Variants in FRMD7 observed in about 807,000 individuals in gnomAD.
The protein encoded by FRMD7 is FERM domain containing 7.
Under a neutral mutation model 44.1 loss-of-function variants are expected in FRMD7, and 14 were observed. The ratio of observed to expected loss-of-function variants is 0.32; its 90% confidence interval spans 0.21 to 0.50. The LOEUF (loss-of-function observed/expected upper bound fraction) is 0.50, where lower values mean the gene tolerates loss of function less well. Ranked by LOEUF, FRMD7 falls within the 20% of genes least tolerant of loss-of-function variation. The pLI, the probability that FRMD7 is intolerant of heterozygous loss-of-function variation, is 0.99. For missense variants in FRMD7, 501 were observed against 522.3 expected (o/e 0.96, Z 0.40); for synonymous variants, 212 against 187.4 (o/e 1.13, Z -1.07).
intron 1 of FRMD7, among the ~76,000 whole-genome samples, chrX:132,111,174 T>TAAAAAG (rs1928769427): frequency 8.9e-6 from 1 of 112,347 alleles, no homozygotes; most frequent in Non-Finnish European, 1.9e-5. Flanking sequence ...CTGTCTCAAA[T>TAAAAAG]AAAAAGAAAA....
At chrX:132,093,174 C>T (rs1928230618) in intron 5 of FRMD7, among the ~76,000 whole-genome samples, 2 of 111,833 alleles carry the variant, frequency 1.8e-5, no homozygotes, top group Admixed American at 9.5e-5. Flanking sequence ...GACACTGTCC[C>T]TATCTAAGCA....
chrX:132,104,166 G>T (rs1928582863), intron 1 of FRMD7, among the ~76,000 whole-genome samples: 1 of 112,288 alleles, frequency 8.9e-6, no homozygotes, highest in South Asian at 3.7e-4. Flanking sequence ...ATATGCATAT[G>T]CACTTCAGCA....
At chrX:132,087,854 G>T (rs1928042499) in intron 5 of FRMD7, among the ~76,000 whole-genome samples, 1 of 111,042 alleles carries the variant, frequency 9.0e-6, no homozygotes, top group South Asian at 3.8e-4. Flanking sequence ...TATACACAAT[G>T]AGTTGAATTT....
chrX:132,080,761 G>A (rs927288753), intron 9 of FRMD7, among the ~76,000 whole-genome samples: 7 of 110,996 alleles, frequency 6.3e-5, no homozygotes, highest in Admixed American at 1.9e-4. Flanking sequence ...TGCAGTGAGC[G>A]GAGATCATGT....
In FRMD7 at chrX:132,097,239, G is replaced by T. The variant is rs201610134; in HGVS notation, c.284+27C>A. ...AATAATGATTCTTAAGTAACATCAT[G>T]CAGAGACACACAGGTAATCACTATA... is the stretch of plus-strand genomic sequence containing the variant. On this transcript the variant is annotated intron_variant, in intron 4 of 11. Transcript: ENST00000298542. 67 of 987,461 alleles carry T rather than the reference G, an allele frequency of 6.8e-5. No individual in the cohort carries two copies. In the African/African-American group the frequency reaches 1.2e-3, roughly 17 times the overall value. 81.4% of individuals were successfully genotyped at this position (987,461 alleles called of 1,213,427 possible).
At chrX:132,093,340 T>C (rs1475584375) in intron 5 of FRMD7, among the ~76,000 whole-genome samples, 1 of 112,440 alleles carries the variant, frequency 8.9e-6, no homozygotes, top group Non-Finnish European at 1.9e-5. Flanking sequence ...GAGGCCTCTC[T>C]AGAAGGGAGA....
intron 1 of FRMD7, among the ~76,000 whole-genome samples, chrX:132,120,192 C>T (rs1209188899): frequency 8.9e-6 from 1 of 112,538 alleles, no homozygotes; most frequent in Non-Finnish European, 1.9e-5. Flanking sequence ...TAAAGTTAAG[C>T]CTTTATTAGA....
At chrX:132,082,981 C>G (rs987968786) in intron 8 of FRMD7, among the ~76,000 whole-genome samples, 2 of 111,920 alleles carry the variant, frequency 1.8e-5, no homozygotes, top group Non-Finnish European at 3.8e-5. Context: ...GACAAGGTGT[C>G]ACTCTGTTGC....
intron 3 of FRMD7, among the ~76,000 whole-genome samples, chrX:132,098,223 CTTT>C (rs775851490): frequency 8.0e-5 from 9 of 112,075 alleles, no homozygotes; most frequent in Non-Finnish European, 1.5e-4. Flanking sequence ...GAAAATTATT[CTTT>C]GTTTATCTAA....
At chrX:132,117,628 C>T (rs891059170) in intron 1 of FRMD7, among the ~76,000 whole-genome samples, 6 of 111,678 alleles carry the variant, frequency 5.4e-5, no homozygotes, top group Admixed American at 9.5e-5. Context: ...AAATAAGGTA[C>T]TCCTAATCCC....
In FRMD7 at chrX:132,082,524, C is replaced by T; in HGVS notation, c.744G>A (p.Val248=). The change falls in exon 9 of 12, where the codon GTG becomes GTA. Residue 248 remains valine, a splice_region_variant and synonymous_variant. Transcript: ENST00000298542. ...TGAACTCCAAGGTATCCTTGCACAA[C>T]ACCTGTATAAACCAATTTCCATTAA... ...FLIKLHANIL[V]LCKDTLEFTM... is the part of the protein sequence containing the mutation. 1 of 1,205,600 alleles carries T rather than the reference C, an allele frequency of 8.3e-7. No homozygotes were observed. The highest frequency in any genetic ancestry group is 1.1e-6 in the Non-Finnish European group (1 of 889,781).
intron 5 of FRMD7, among the ~76,000 whole-genome samples, chrX:132,092,602 C>T (rs1450628989): frequency 8.9e-6 from 1 of 111,856 alleles, no homozygotes. Context: ...TAGAAAAGCT[C>T]AAGTGCTCTG....
rs140383991 is a variant in FRMD7 at position 132,078,342 on chromosome X, C to T, written c.1675G>A (p.Gly559Ser). 216 of 1,209,821 alleles carry T rather than the reference C, an allele frequency of 1.8e-4. No individual in the cohort carries two copies. Among genetic ancestry groups the T allele is most frequent in the Middle Eastern group, 1.4e-3 (6 of 4,354 alleles). Residue 559 changes from glycine (G) to serine (S), a missense_variant, in exon 12 of 12, where the codon GGT becomes AGT. By Grantham distance (56) the Gly-to-Ser change is moderately conservative. Transcript: ENST00000298542. ...AGACCTACATTGATGTTGCTCCTAC[C>T]GCTAGTCCTGGCTATAGCTTCTTGG... Reference protein sequence around the residue: ...VLQEAIARTSGRSNINVGLEE... With the variant: ...VLQEAIARTSSRSNINVGLEE...
chrX:132,097,425 ACACC>A, intron 3 of FRMD7, 81 bp from the exon 4 acceptor site: 1 of 581,979 alleles, frequency 1.7e-6, no homozygotes, highest in Non-Finnish European at 3.0e-6. Context: ...ACACACACAC[ACACC>A]CACACACACA....
At chrX:132,091,644 T>C (rs771284326) in intron 5 of FRMD7, among the ~76,000 whole-genome samples, 76 of 97,712 alleles carry the variant, frequency 7.8e-4, no homozygotes, top group Non-Finnish European at 1.3e-3. Flanking sequence ...GCCAACATGG[T>C]GAAACCCTGT....
Position 132,084,718 on chromosome X carries a change from C to T in FRMD7, c.646-133G>A, listed in dbSNP as rs1417284592. On this transcript the variant is annotated intron_variant, in intron 7 of 11. Coordinates refer to ENST00000298542, the MANE Select transcript of FRMD7 (RefSeq NM_194277.3). Reference sequence around the variant, plus strand: ...CCATCTCTTGCACAGATTGATCCTGCTGCACTGGGTAGGAGCTGTGGTCAA... The same window carrying T: ...CCATCTCTTGCACAGATTGATCCTGTTGCACTGGGTAGGAGCTGTGGTCAA... The T allele has an allele frequency of 1.4e-5, 7 of 496,706 alleles. No homozygotes were observed. The Middle Eastern group carries it at 1.6e-3, about 116-fold the overall frequency. The allele number at this position is 496,706 out of a possible 1,213,427, so 40.9% of individuals were successfully genotyped here.
intron 1 of FRMD7, among the ~76,000 whole-genome samples, chrX:132,118,859 C>G (rs755059886): frequency 1.8e-5 from 2 of 110,667 alleles, no homozygotes; most frequent in Non-Finnish European, 3.8e-5. Flanking sequence ...TCTGCTCCCC[C>G]ACAGCCCCCC....
intron 1 of FRMD7, among the ~76,000 whole-genome samples, chrX:132,102,315 G>A (rs1928522655): frequency 8.9e-6 from 1 of 111,935 alleles, no homozygotes; most frequent in Non-Finnish European, 1.9e-5. Flanking sequence ...AATGAAAATA[G>A]GCTGCAAAGG....
chrX:132,113,722 T>C (rs1928833153), intron 1 of FRMD7, among the ~76,000 whole-genome samples: 1 of 111,400 alleles, frequency 9.0e-6, no homozygotes, highest in Non-Finnish European at 1.9e-5. Flanking sequence ...CAATGTGAAA[T>C]AAGCACATCA....
Sources: allele counts gnomAD v4.1 joint callset (sites outside exome capture counted in the v4.1 genomes callset), GRCh38; gene constraint gnomAD v4.1.1; transcripts MANE v1.5; gene names NCBI Gene and HGNC (gene_info 2026-07-23, HGNC 2026-07-21).